Variants in NSG1 observed in about 807,000 individuals in gnomAD.
NSG1 encodes the protein neuronal vesicle trafficking associated 1.
NSG1 carries 9 observed loss-of-function variants against 19.3 expected under a neutral mutation model. That is an observed-to-expected ratio of 0.47 (90% CI 0.28 to 0.81). The LOEUF (loss-of-function observed/expected upper bound fraction) is 0.81, where lower values mean the gene tolerates loss of function less well. Ranked by LOEUF, NSG1 falls within the 40% of genes least tolerant of loss-of-function variation. NSG1 has a pLI of 0.11. For synonymous variants in NSG1, 104 were observed against 107.0 expected (o/e 0.97, Z 0.17); for missense variants, 236 against 242.4 (o/e 0.97, Z 0.18).
intron 3 of NSG1, among the ~76,000 whole-genome samples, chr4:4,403,141 CTG>C (rs1228314162): frequency 6.6e-6 from 1 of 152,242 alleles, no homozygotes; most frequent in East Asian, 1.9e-4. Flanking sequence ...GGCATCTTCT[CTG>C]TGCCAGATGT....
At position 4,387,698 on chromosome 4, in the gene NSG1, C is replaced by T. The variant is rs200914045; in HGVS notation, c.69C>T (p.Asp23=). Residue 23 remains aspartate, a synonymous_variant, in exon 2 of 5, where the codon GAC becomes GAT. Coordinates refer to ENST00000621129, the MANE Select transcript of NSG1 (RefSeq NM_014392.5). ...TKQPLLEDGF[D]TIPLMTPLDV... ...AGCCGCTGCTGGAGGATGGCTTCGACACCATTCCCCTGATGACGCCCCTCG... is the reference window on the plus strand; with the variant it reads ...AGCCGCTGCTGGAGGATGGCTTCGATACCATTCCCCTGATGACGCCCCTCG... 20 of 1,613,656 alleles carry T rather than the reference C, an allele frequency of 1.2e-5. No homozygotes were observed. The East Asian group carries it at 3.8e-4, about 31-fold the overall frequency.
chr4:4,386,977 ACCCACCCG>A (rs1722749442), upstream of NSG1: 1 of 90,546 alleles, frequency 1.1e-5, no homozygotes, highest in Non-Finnish European at 2.6e-5. Context: ...ACACGCGCGC[ACCCACCCG>A]CGCGCACCCA....
Position 4,409,765 on chromosome 4 carries a change from C to T in NSG1, c.357+82C>T, listed in dbSNP as rs143182334. On this transcript the variant is annotated intron_variant, in intron 4 of 4. Coordinates refer to ENST00000621129, the MANE Select transcript of NSG1 (RefSeq NM_014392.5). ...CCCTTGAACTCAAGGCTGCTCCTGC[C>T]GTCTCCCCCAGCTGGCCCACGGACA... The T allele has an allele frequency of 4.4e-4, 500 of 1,139,400 alleles. 1 individual carries two copies. In the African/African-American group the frequency reaches 6.3e-3, roughly 14 times the overall value. 70.6% of individuals were successfully genotyped at this position (1,139,400 alleles called of 1,614,324 possible).
intron 3 of NSG1, among the ~76,000 whole-genome samples, chr4:4,406,906 C>T (rs1033047731): frequency 7.9e-5 from 12 of 152,250 alleles, no homozygotes; most frequent in Admixed American, 4.6e-4. Flanking sequence ...CTGCCTCTGG[C>T]TGCCACGTGC....
chr4:4,408,800 C>T (rs1193987080), intron 3 of NSG1, among the ~76,000 whole-genome samples: 1 of 152,168 alleles, frequency 6.6e-6, no homozygotes, highest in Non-Finnish European at 1.5e-5. Context: ...TGCCAGGCTC[C>T]CTGGCAGCCG....
intron 2 of NSG1, among the ~76,000 whole-genome samples, chr4:4,390,460 T>C (rs1400786107): frequency 1.3e-5 from 2 of 152,246 alleles, no homozygotes; most frequent in Non-Finnish European, 2.9e-5. Context: ...CGCCTGGGGC[T>C]GACCATCCCC....
intron 1 of NSG1, 56 bp from the exon 2 acceptor site, chr4:4,387,548 C>A: frequency 1.8e-6 from 1 of 555,800 alleles, no homozygotes; most frequent in Non-Finnish European, 3.2e-6. Context: ...CCCACTTCCC[C>A]CCCGCCCCGC....
intron 3 of NSG1, among the ~76,000 whole-genome samples, chr4:4,402,439 G>A (rs62287948): frequency 0.024 from 3,399 of 139,648 alleles, 65 homozygotes; most frequent in Non-Finnish European, 0.035. Context: ...CCAGGCTGGA[G>A]TGCAGTGGCG....
At chr4:4,386,797 G>C (rs1049149227), upstream of NSG1, 15 of 152,744 alleles carry the variant, frequency 9.8e-5, no homozygotes, top group Admixed American at 7.9e-4. Flanking sequence ...CAGCCCTCCC[G>C]CTCCGGGCGC....
chr4:4,411,062 G>A (rs1724152502), intron 4 of NSG1, among the ~76,000 whole-genome samples: 1 of 152,118 alleles, frequency 6.6e-6, no homozygotes, highest in South Asian at 2.1e-4. Flanking sequence ...CACCATGTTG[G>A]CTAGGCCGGT....
rs777962457 is a variant in NSG1 at position 4,409,655 on chromosome 4, G to C, written c.329G>C (p.Arg110Pro). The change falls in exon 4 of 5, where the codon CGC (arginine) becomes CCC (proline). Residue 110 changes from arginine to proline, a missense_variant. Physicochemically the swap from Arg to Pro is moderately radical, Grantham distance 103. Transcript: ENST00000621129. ...LVVYKVYKYD[R>P]ACPDGFVLKN... ...GTCTACAAGGTGTACAAGTATGACC[G>C]CGCCTGCCCCGATGGGTTCGTCCTC... 1.2e-6 allele frequency: 2 copies of C among 1,614,102 alleles called. No homozygotes were observed. Among genetic ancestry groups the C allele is most frequent in the Non-Finnish European group, 1.7e-6 (2 of 1,179,986 alleles).
At chr4:4,394,160 C>T (rs1325559129) in intron 3 of NSG1, among the ~76,000 whole-genome samples, 1 of 152,206 alleles carries the variant, frequency 6.6e-6, no homozygotes. Flanking sequence ...ACCAGAGGTC[C>T]TTGGTTTCTT....
At chr4:4,392,490 C>T (rs1361736367) in intron 3 of NSG1, among the ~76,000 whole-genome samples, 1 of 152,184 alleles carries the variant, frequency 6.6e-6, no homozygotes, top group Non-Finnish European at 1.5e-5. Flanking sequence ...CTCCCACCCC[C>T]ACCCGCTGCA....
chr4:4,414,315 C>T (rs928084735), intron 4 of NSG1, among the ~76,000 whole-genome samples: 2 of 151,824 alleles, frequency 1.3e-5, no homozygotes, highest in African/African-American at 2.4e-5. Flanking sequence ...GTTTAAAAGG[C>T]GCTCCAGGTG....
At chr4:4,406,447 A>G (rs1164174096) in intron 3 of NSG1, among the ~76,000 whole-genome samples, 1 of 152,174 alleles carries the variant, frequency 6.6e-6, no homozygotes, top group Non-Finnish European at 1.5e-5. Flanking sequence ...GTTAAATGGA[A>G]CCAAGTCCTT....
rs770827786 is a variant in NSG1 at position 4,417,384 on chromosome 4, A to G, written c.507A>G (p.Ser169=). ...TATCGCCCTGGATGTCAGTTCTGTCAGAAGAGAAGCTGTCCGAGCAGGAGA... is the reference window on the plus strand; with the variant it reads ...TATCGCCCTGGATGTCAGTTCTGTCGGAAGAGAAGCTGTCCGAGCAGGAGA... ...RSVSPWMSVL[S]EEKLSEQETE... Residue 169 remains serine, a synonymous_variant, in exon 5 of 5, where the codon TCA becomes TCG. Transcript: ENST00000621129. 3.1e-6 allele frequency: 5 copies of G among 1,614,080 alleles called. No individual in the cohort carries two copies. The highest frequency in any genetic ancestry group is 4.2e-6 in the Non-Finnish European group (5 of 1,180,048).
At chr4:4,411,823 G>A (rs978738193) in intron 4 of NSG1, among the ~76,000 whole-genome samples, 20 of 137,150 alleles carry the variant, frequency 1.5e-4, no homozygotes, top group Non-Finnish European at 1.8e-4. Context: ...TCTCTTGGAG[G>A]AGCTCCCTGA....
chr4:4,390,947 GT>G lies in NSG1; in HGVS notation c.130-527del, dbSNP rs1263472620. ...GGCAGGGGCAGGGGGAGAGGAGGATGTGGGGGTGGAGACAAAGAGGTTGATC... is the reference window on the plus strand; with the variant it reads ...GGCAGGGGCAGGGGGAGAGGAGGATGGGGGGTGGAGACAAAGAGGTTGATC... On this transcript the variant is annotated intron_variant, in intron 2 of 4. Transcript: ENST00000621129. Among the ~76,000 whole-genome samples the G allele has an allele frequency of 2.8e-4, 42 of 152,036 alleles. 1 individual carries two copies. Among genetic ancestry groups the G allele is most frequent in the Admixed American group, 1.2e-3 (18 of 15,268 alleles).
chr4:4,416,124 G>A (rs978485332), intron 4 of NSG1: 26 of 702,252 alleles, frequency 3.7e-5, no homozygotes, highest in African/African-American at 1.2e-4. Flanking sequence ...TCAGCAACAC[G>A]GTGGTGTGAC....
Sources: allele counts gnomAD v4.1 joint callset (sites outside exome capture counted in the v4.1 genomes callset), GRCh38; gene constraint gnomAD v4.1.1; transcripts MANE v1.5; gene names NCBI Gene and HGNC (gene_info 2026-07-23, HGNC 2026-07-21).